The following SCRN3 variants were observed in gnomAD, a reference collection of about 807,000 sequenced individuals.
The protein encoded by SCRN3 is secernin 3, also known as secernin-3.
A neutral mutation model predicts 43.1 loss-of-function variants in SCRN3; 39 were observed. That is an observed-to-expected ratio of 0.91 (90% confidence interval 0.70 to 1.18). The LOEUF (loss-of-function observed/expected upper bound fraction) is 1.18. Ranked by LOEUF, SCRN3 falls within the 50% of genes most tolerant of loss-of-function variation. SCRN3 has a pLI of 0.00. For synonymous variants in SCRN3, 147 were observed against 163.1 expected (o/e 0.90, Z 0.75); for missense variants, 484 against 498.0 (o/e 0.97, Z 0.27).
At position 174,400,047 on chromosome 2, in the gene SCRN3, A is replaced by T; in HGVS notation, c.285A>T (p.Val95=). 1 of 1,598,862 alleles carries T rather than the reference A, an allele frequency of 6.3e-7. No individual in the cohort carries two copies. The highest frequency in any genetic ancestry group is 8.5e-7 in the Non-Finnish European group (1 of 1,174,504). ...EHGVCIGNEA[V]WGREEVCDEE... ...GAGTTTGCATTGGGAATGAAGCTGT[A>T]TGGGGAAGAGAAGAAGTTTGTGATG... Residue 95 remains valine (V), a synonymous_variant, in exon 3 of 8, where the codon GTA becomes GTT. Coordinates refer to ENST00000272732, the MANE Select transcript of SCRN3 (RefSeq NM_024583.5).
At chr2:174,418,761 T>C (rs1189983548) in intron 5 of SCRN3, among the ~76,000 whole-genome samples, 2 of 152,224 alleles carry the variant, frequency 1.3e-5, no homozygotes, top group Non-Finnish European at 2.9e-5. Context: ...GTTGAAACTA[T>C]GTGCCTGATA....
chr2:174,428,275 G>A lies in SCRN3; in HGVS notation c.*380G>A, dbSNP rs538548389. On this transcript the variant is annotated 3_prime_UTR_variant, in exon 8 of 8. Transcript: ENST00000272732. Reference sequence around the variant, plus strand: ...GTAGTACCCTCAAATCATTTTGTCAGTTACATCAAGAAAGCAGATTTTTCT... The same window carrying A: ...GTAGTACCCTCAAATCATTTTGTCAATTACATCAAGAAAGCAGATTTTTCT... The A allele has an allele frequency of 6.5e-6, 1 of 153,390 alleles. No homozygotes were observed. Among genetic ancestry groups the A allele is most frequent in the Admixed American group, 6.5e-5 (1 of 15,314 alleles). The allele number at this position is 153,390 out of a possible 1,614,324, so 9.5% of individuals were successfully genotyped here. A position where few individuals can be genotyped will look rare whatever the true frequency, so the allele number is the denominator to read the frequency against.
chr2:174,416,715 A>G (rs958707656), intron 5 of SCRN3, among the ~76,000 whole-genome samples: 1 of 152,216 alleles, frequency 6.6e-6, no homozygotes, highest in African/African-American at 2.4e-5. Context: ...TCTAGAATAA[A>G]GCTGATGCTG....
intron 5 of SCRN3, 89 bp downstream of exon 5, chr2:174,404,404 TATA>T (rs1685618149): frequency 1.2e-6 from 1 of 800,982 alleles, no homozygotes. Context: ...TTTGGGGAAT[TATA>T]ATTAGTAAAA....
intron 1 of SCRN3, chr2:174,396,225 C>G (rs1016876774): frequency 2.5e-5 from 23 of 909,728 alleles, no homozygotes; most frequent in Middle Eastern, 5.1e-4. Flanking sequence ...TTGTACCCAG[C>G]TGTACGGTAC....
At chr2:174,408,809 G>T (rs55841749) in intron 5 of SCRN3, among the ~76,000 whole-genome samples, 27,931 of 126,736 alleles carry the variant, frequency 0.22, 4,428 homozygotes, top group East Asian at 0.67. Flanking sequence ...TGGCTTGTAG[G>T]GTTTCTGCCG....
chr2:174,426,124 T>G (rs966355232), intron 7 of SCRN3, among the ~76,000 whole-genome samples: 2 of 152,208 alleles, frequency 1.3e-5, no homozygotes, highest in Admixed American at 6.5e-5. Context: ...TTAAACTTAG[T>G]CAATTATATT....
At chr2:174,407,013 G>A (rs2105580372) in intron 5 of SCRN3, among the ~76,000 whole-genome samples, 1 of 39,352 alleles carries the variant, frequency 2.5e-5, no homozygotes, top group Non-Finnish European at 5.9e-5. Flanking sequence ...TCTATTGATT[G>A]GAATAGTTTC....
Position 174,428,438 on chromosome 2 carries a change from C to T in SCRN3, c.*543C>T, listed in dbSNP as rs1686562669. The T allele has an allele frequency of 6.6e-6, 1 of 152,608 alleles. No individual in the cohort carries two copies. The highest frequency in any genetic ancestry group is 2.4e-5 in the African/African-American group (1 of 41,458). 9.5% of individuals were successfully genotyped at this position (152,608 alleles called of 1,614,324 possible). On this transcript the variant is annotated 3_prime_UTR_variant, in exon 8 of 8. Coordinates refer to ENST00000272732, the MANE Select transcript of SCRN3 (RefSeq NM_024583.5). ...TCTGCAAATGCACTTTTGTTAAACT[C>T]AAACATGCTCTTTGTCAAGACTTGG... is the stretch of plus-strand genomic sequence containing the variant.
intron 5 of SCRN3, among the ~76,000 whole-genome samples, chr2:174,415,079 AG>A (rs2105604295): frequency 6.6e-6 from 1 of 152,294 alleles, no homozygotes; most frequent in Non-Finnish European, 1.5e-5. Flanking sequence ...CACCGCACCC[AG>A]CCCCATGACT....
intron 5 of SCRN3, among the ~76,000 whole-genome samples, chr2:174,412,066 G>T (rs192400346): frequency 2.0e-5 from 3 of 152,124 alleles, no homozygotes; most frequent in Admixed American, 2.0e-4. Context: ...AATCTGGAAA[G>T]AATGCATGGA....
At chr2:174,403,037 G>C (rs1685559979) in intron 4 of SCRN3, among the ~76,000 whole-genome samples, 2 of 150,474 alleles carry the variant, frequency 1.3e-5, no homozygotes, top group South Asian at 4.2e-4. Flanking sequence ...AAAATTTATA[G>C]AAAGGACTAC....
At chr2:174,404,378 G>C in intron 5 of SCRN3, 63 bp downstream of exon 5, 1 of 1,060,974 alleles carries the variant, frequency 9.4e-7, no homozygotes, top group Non-Finnish European at 1.4e-6. Context: ...TGTAATATGG[G>C]AATGATAACA....
At chr2:174,417,487 G>A (rs1030851721) in intron 5 of SCRN3, among the ~76,000 whole-genome samples, 9 of 152,016 alleles carry the variant, frequency 5.9e-5, no homozygotes, top group East Asian at 3.9e-4. Context: ...TCTGCCTCCC[G>A]GGTTTAAGCG....
At chr2:174,416,779 T>C (rs1686126155) in intron 5 of SCRN3, among the ~76,000 whole-genome samples, 1 of 152,212 alleles carries the variant, frequency 6.6e-6, no homozygotes, top group Non-Finnish European at 1.5e-5. Flanking sequence ...CAAAGGATCT[T>C]TTTACGTGAA....
rs188648272 is a variant in SCRN3 at position 174,404,283 on chromosome 2, G to T, written c.722G>T (p.Cys241Phe). The stretch of plus-strand genomic sequence containing the variant: ...ATGATGACTTCATCAGGCAGATACT[G>T]TGAGGGCTACAAGCTTCTAAATAAG... Reference protein sequence around the residue: ...AKMMTSSGRYCEGYKLLNKHK... With the variant: ...AKMMTSSGRYFEGYKLLNKHK... Residue 241 changes from cysteine to phenylalanine, a missense_variant, in exon 5 of 8, where the codon TGT becomes TTT. Coordinates refer to ENST00000272732, the MANE Select transcript of SCRN3 (RefSeq NM_024583.5). 3 of 1,613,580 alleles carry T rather than the reference G, an allele frequency of 1.9e-6. No individual in the cohort carries two copies. The highest frequency in any genetic ancestry group is 3.3e-5 in the Admixed American group (2 of 59,988).
At chr2:174,427,286 T>C (rs1686520203) in intron 7 of SCRN3, among the ~76,000 whole-genome samples, 2 of 152,196 alleles carry the variant, frequency 1.3e-5, no homozygotes, top group Non-Finnish European at 2.9e-5. Context: ...ATGTCTTCTT[T>C]TGGTTGATTT....
Position 174,400,035 on chromosome 2 carries a change from G to T in SCRN3, c.273G>T (p.Gly91=). ...MGANEHGVCI[G]NEAVWGREEV... ...CCAATGAGCATGGAGTTTGCATTGG[G>T]AATGAAGCTGTATGGGGAAGAGAAG... Residue 91 remains glycine (G), a synonymous_variant, in exon 3 of 8, where the codon GGG becomes GGT. Coordinates refer to ENST00000272732, the MANE Select transcript of SCRN3 (RefSeq NM_024583.5). The T allele has an allele frequency of 6.2e-7, 1 of 1,601,218 alleles. No homozygotes were observed. Among genetic ancestry groups the T allele is most frequent in the African/African-American group, 1.4e-5 (1 of 73,864 alleles).
intron 5 of SCRN3, among the ~76,000 whole-genome samples, chr2:174,406,405 C>G (rs1685694708): frequency 7.5e-6 from 1 of 133,870 alleles, no homozygotes; most frequent in African/African-American, 2.5e-5. Flanking sequence ...CGTCTGCAAA[C>G]AGGGACAATT....
Sources: allele counts gnomAD v4.1 joint callset (sites outside exome capture counted in the v4.1 genomes callset), GRCh38; gene constraint gnomAD v4.1.1; transcripts MANE v1.5; gene names NCBI Gene and HGNC (gene_info 2026-07-23, HGNC 2026-07-21).